Variants in LRP1B observed in about 807,000 individuals in gnomAD.
The protein encoded by LRP1B is low-density lipoprotein receptor-related protein 1B.
In LRP1B, 217 loss-of-function variants were observed where a neutral mutation model predicts 556.6. The observed-to-expected ratio is 0.39, with a 90% confidence interval of 0.35 to 0.44. The LOEUF is 0.44. Among genes scored for constraint, LRP1B ranks in the 20% least tolerant of loss-of-function variants. The pLI is 1.00. For missense variants in LRP1B, 5,053 were observed against 5,620.8 expected (o/e 0.90, Z 3.23); for synonymous variants, 2,047 against 1,865.8 (o/e 1.10, Z -2.50).
chr2:141,315,944 C>T (rs1323481205), intron 3 of LRP1B, among the ~76,000 whole-genome samples: 1 of 57,892 alleles, frequency 1.7e-5, no homozygotes, highest in East Asian at 5.9e-4. Context: ...TATCCACAGG[C>T]TTTATGGCTT....
chr2:140,590,715 C>G (rs1040301453), intron 43 of LRP1B, among the ~76,000 whole-genome samples: 2 of 152,018 alleles, frequency 1.3e-5, no homozygotes, highest in African/African-American at 4.8e-5. Flanking sequence ...GTCAGAATTC[C>G]AGCCTCTAGA....
At chr2:140,698,447 G>C (rs1487349169) in intron 41 of LRP1B, among the ~76,000 whole-genome samples, 3 of 151,942 alleles carry the variant, frequency 2.0e-5, no homozygotes, top group African/African-American at 7.2e-5. Flanking sequence ...TCTAAGAAAA[G>C]TAACTATTTC....
At chr2:140,532,067 T>C (rs1438605276) in intron 47 of LRP1B, among the ~76,000 whole-genome samples, 1 of 152,066 alleles carries the variant, frequency 6.6e-6, no homozygotes, top group Non-Finnish European at 1.5e-5. Flanking sequence ...ATTACCTGAG[T>C]TCCAAATCTC....
At chr2:142,065,424 G>T (rs757771974) in intron 1 of LRP1B, among the ~76,000 whole-genome samples, 12 of 150,584 alleles carry the variant, frequency 8.0e-5, no homozygotes, top group Non-Finnish European at 1.2e-4. Flanking sequence ...CTTCCTGCTT[G>T]GCCTCATTCT....
chr2:140,813,435 T>C (rs896423336), intron 32 of LRP1B, among the ~76,000 whole-genome samples: 6 of 152,196 alleles, frequency 3.9e-5, no homozygotes, highest in African/African-American at 1.4e-4. Flanking sequence ...TCAGTAACAG[T>C]AAAGTTAGTA....
intron 77 of LRP1B, among the ~76,000 whole-genome samples, chr2:140,337,207 T>C (rs1378218854): frequency 2.6e-5 from 4 of 151,852 alleles, no homozygotes; most frequent in African/African-American, 7.2e-5. Flanking sequence ...ACAGAATCCA[T>C]AGACAATTTC....
chr2:141,476,420 G>T (rs1291617982), intron 3 of LRP1B, among the ~76,000 whole-genome samples: 1 of 151,990 alleles, frequency 6.6e-6, no homozygotes, highest in African/African-American at 2.4e-5. Context: ...CATTTTCATT[G>T]CTCATGCAAT....
At chr2:141,164,477 C>T (rs561500751) in intron 7 of LRP1B, among the ~76,000 whole-genome samples, 32 of 152,126 alleles carry the variant, frequency 2.1e-4, no homozygotes, top group African/African-American at 7.2e-4. Flanking sequence ...CTCATGACTT[C>T]ATAAGGAGAA....
intron 2 of LRP1B, among the ~76,000 whole-genome samples, chr2:141,711,633 C>T (rs866546321): frequency 6.6e-6 from 1 of 152,098 alleles, no homozygotes. Context: ...AATAAAATTC[C>T]CTTTAATATA....
In LRP1B at chr2:140,700,568, G is replaced by A. The variant is rs1686598354; in HGVS notation, c.6481C>T (p.Arg2161Ter). ...GCACAAGTTCTCCGGGAATTTCCTC[G>A]ATAAAGACAGAGTTGCTTACAGCCA... Reference protein sequence around the residue: ...NGGCKQLCLYRGNSRRTCACA... With the variant: ...NGGCKQLCLY Residue 2161 changes from arginine to a stop codon, truncating the protein, a stop_gained, in exon 41 of 91, where the codon CGA (arginine) becomes TGA (stop). Coordinates refer to ENST00000389484, the MANE Select transcript of LRP1B (RefSeq NM_018557.3). LOFTEE classifies it high-confidence loss of function. 6.2e-7 allele frequency: 1 copy of A among 1,613,382 alleles called. No homozygotes were observed. The highest frequency in any genetic ancestry group is 1.1e-5 in the South Asian group (1 of 91,074).
intron 2 of LRP1B, among the ~76,000 whole-genome samples, chr2:141,773,827 G>C (rs1694976450): frequency 6.6e-6 from 1 of 152,246 alleles, no homozygotes; most frequent in Non-Finnish European, 1.5e-5. Context: ...GGTTATGCGT[G>C]TGCAATCAAG....
chr2:141,173,037 T>G (rs900650731), intron 7 of LRP1B, among the ~76,000 whole-genome samples: 2 of 145,340 alleles, frequency 1.4e-5, no homozygotes, highest in Non-Finnish European at 3.0e-5. Flanking sequence ...TCTCTTTAAA[T>G]GTAGTATGCT....
chr2:141,672,910 TC>T (rs1026333286), intron 2 of LRP1B, among the ~76,000 whole-genome samples: 4 of 152,140 alleles, frequency 2.6e-5, no homozygotes, highest in African/African-American at 9.7e-5. Context: ...CTTTTCTCAT[TC>T]AGGTTGAGGA....
intron 32 of LRP1B, among the ~76,000 whole-genome samples, chr2:140,792,431 A>G (rs912118232): frequency 6.6e-6 from 1 of 152,128 alleles, no homozygotes; most frequent in Non-Finnish European, 1.5e-5. Flanking sequence ...TTTATACAAG[A>G]CACTTTTGCT....
chr2:142,003,413 C>A (rs1259470762), intron 1 of LRP1B, among the ~76,000 whole-genome samples: 2 of 152,114 alleles, frequency 1.3e-5, no homozygotes, highest in Non-Finnish European at 2.9e-5. Flanking sequence ...GAGAACAGTG[C>A]CTTTTTACCA....
intron 18 of LRP1B, among the ~76,000 whole-genome samples, chr2:140,957,657 T>C (rs1695913477): frequency 6.6e-6 from 1 of 151,426 alleles, no homozygotes; most frequent in Non-Finnish European, 1.5e-5. Flanking sequence ...AAACTAGAAT[T>C]GTGAGTGAAT....
intron 1 of LRP1B, among the ~76,000 whole-genome samples, chr2:142,001,564 C>T (rs1222413550): frequency 6.6e-6 from 1 of 152,132 alleles, no homozygotes; most frequent in Non-Finnish European, 1.5e-5. Flanking sequence ...ACCTGCCACG[C>T]ACATTAATGG....
intron 3 of LRP1B, among the ~76,000 whole-genome samples, chr2:141,328,802 A>C (rs543602673): frequency 6.6e-6 from 1 of 152,312 alleles, no homozygotes; most frequent in African/African-American, 2.4e-5. Context: ...TGTCTAATGC[A>C]GGAAGAGTTC....
chr2:140,247,934 C>G (rs1023845304), intron 86 of LRP1B, among the ~76,000 whole-genome samples: 5 of 151,648 alleles, frequency 3.3e-5, no homozygotes, highest in African/African-American at 1.2e-4. Context: ...CTTTGTGCAT[C>G]TGTCACAGGA....
Sources: allele counts gnomAD v4.1 joint callset (sites outside exome capture counted in the v4.1 genomes callset), GRCh38; gene constraint gnomAD v4.1.1; transcripts MANE v1.5; gene names NCBI Gene and HGNC (gene_info 2026-07-23, HGNC 2026-07-21).